Variants in PRR16 observed in about 807,000 individuals in gnomAD.
The protein encoded by PRR16 is proline rich 16.
In PRR16, 6 loss-of-function variants were observed where a neutral mutation model predicts 18.2. The ratio of observed to expected loss-of-function variants is 0.33; its 90% CI spans 0.18 to 0.65. The LOEUF (loss-of-function observed/expected upper bound fraction) is 0.65. Ranked by LOEUF, PRR16 falls within the 30% of genes least tolerant of loss-of-function variation. PRR16 has a pLI of 0.74. For synonymous variants in PRR16, 151 were observed against 147.8 expected (o/e 1.02, Z -0.16); for missense variants, 412 against 376.6 (o/e 1.09, Z -0.78).
chr5:120,522,345 C>G (rs894985136), intron 1 of PRR16, among the ~76,000 whole-genome samples: 1 of 152,128 alleles, frequency 6.6e-6, no homozygotes, highest in African/African-American at 2.4e-5. Flanking sequence ...TGTTTCCTGA[C>G]TTTTTAATGA....
chr5:120,744,911 T>A, the PRR16 span, among the ~76,000 whole-genome samples: 1 of 152,220 alleles, frequency 6.6e-6, no homozygotes, highest in African/African-American at 2.4e-5. Flanking sequence ...AATTGTATCT[T>A]AATGTCCTCT....
chr5:120,731,749 A>G, the PRR16 span, among the ~76,000 whole-genome samples: 11 of 152,228 alleles, frequency 7.2e-5, no homozygotes, highest in African/African-American at 2.7e-4. Flanking sequence ...AAGGCTGGCA[A>G]TGACAGTGCC....
the PRR16 span, among the ~76,000 whole-genome samples, chr5:120,728,138 G>C: frequency 6.6e-6 from 1 of 151,948 alleles, no homozygotes; most frequent in African/African-American, 2.4e-5. Context: ...GTAAGTATCT[G>C]TGGAAGCTGA....
chr5:120,508,067 G>T (rs970038718), intron 1 of PRR16, among the ~76,000 whole-genome samples: 1 of 152,078 alleles, frequency 6.6e-6, no homozygotes, highest in Non-Finnish European at 1.5e-5. Context: ...CAGACTGGTG[G>T]TGCCTAAGTA....
At chr5:120,518,976 AT>A (rs1274225009) in intron 1 of PRR16, among the ~76,000 whole-genome samples, 1 of 152,146 alleles carries the variant, frequency 6.6e-6, no homozygotes, top group East Asian at 1.9e-4. Context: ...TAGTTATTTT[AT>A]TTTATTAGTT....
chr5:120,789,265 A>G, the PRR16 span, among the ~76,000 whole-genome samples: 1 of 152,160 alleles, frequency 6.6e-6, no homozygotes, highest in Non-Finnish European at 1.5e-5. Flanking sequence ...TAAATAGAAG[A>G]CCACAGACAC....
At chr5:120,700,745 C>T in the PRR16 span, among the ~76,000 whole-genome samples, 10 of 152,052 alleles carry the variant, frequency 6.6e-5, no homozygotes, top group East Asian at 1.9e-4. Context: ...GGGTAGCCTC[C>T]GTGCTGATTA....
At chr5:120,773,468 T>C in the PRR16 span, among the ~76,000 whole-genome samples, 63 of 152,282 alleles carry the variant, frequency 4.1e-4, no homozygotes, top group African/African-American at 1.3e-3. Flanking sequence ...AAGAAAATTG[T>C]TGGCCACAGG....
chr5:120,740,351 T>C, the PRR16 span, among the ~76,000 whole-genome samples: 6 of 152,148 alleles, frequency 3.9e-5, no homozygotes, highest in South Asian at 2.1e-4. Flanking sequence ...ATTTTCTTTA[T>C]GGCTTTTGTA....
At chr5:120,582,657 G>C (rs80312789) in intron 1 of PRR16, among the ~76,000 whole-genome samples, 8,477 of 152,016 alleles carry the variant, frequency 0.056, 308 homozygotes, top group South Asian at 0.081. Context: ...ACAGGAATTT[G>C]GTATAGTATT....
chr5:120,478,069 A>G (rs1749499956), intron 1 of PRR16, among the ~76,000 whole-genome samples: 1 of 152,040 alleles, frequency 6.6e-6, no homozygotes, highest in Non-Finnish European at 1.5e-5. Context: ...AAGGTCAGTG[A>G]CCTGTTTTTG....
chr5:120,772,600 T>G, the PRR16 span, among the ~76,000 whole-genome samples: 1 of 152,054 alleles, frequency 6.6e-6, no homozygotes, highest in African/African-American at 2.4e-5. Context: ...TCTCACAGAC[T>G]AGTCAACCAC....
intron 1 of PRR16, among the ~76,000 whole-genome samples, chr5:120,671,076 C>T (rs1045721426): frequency 1.3e-5 from 2 of 152,052 alleles, no homozygotes; most frequent in Non-Finnish European, 2.9e-5. Flanking sequence ...CTTTTTCTAG[C>T]TTGCCTGCTT....
At chr5:120,484,151 T>A (rs1376773413) in intron 1 of PRR16, among the ~76,000 whole-genome samples, 2 of 151,800 alleles carry the variant, frequency 1.3e-5, no homozygotes, top group African/African-American at 4.8e-5. Flanking sequence ...ATATTCCTAT[T>A]TCTTAACTAC....
intron 1 of PRR16, among the ~76,000 whole-genome samples, chr5:120,578,344 G>T (rs1459505365): frequency 6.6e-6 from 1 of 151,984 alleles, no homozygotes; most frequent in African/African-American, 2.4e-5. Flanking sequence ...AGGTATATGG[G>T]TGCCATGGTT....
At chr5:120,598,586 C>A (rs1007192811) in intron 1 of PRR16, among the ~76,000 whole-genome samples, 3 of 151,780 alleles carry the variant, frequency 2.0e-5, no homozygotes, top group African/African-American at 7.3e-5. Context: ...TCCAACACTG[C>A]CCCCTCTAGT....
intron 1 of PRR16, among the ~76,000 whole-genome samples, chr5:120,676,008 T>A (rs1340178721): frequency 6.6e-6 from 1 of 152,168 alleles, no homozygotes; most frequent in Non-Finnish European, 1.5e-5. Context: ...TTACTCTATT[T>A]CCAAAAAAAC....
intron 1 of PRR16, among the ~76,000 whole-genome samples, chr5:120,648,379 A>T (rs553037255): frequency 6.6e-6 from 1 of 152,204 alleles, no homozygotes; most frequent in East Asian, 1.9e-4. Flanking sequence ...CCTTTGAAAG[A>T]TCAGTTATGT....
At chr5:120,707,278 A>C in the PRR16 span, among the ~76,000 whole-genome samples, 1 of 152,242 alleles carries the variant, frequency 6.6e-6, no homozygotes, top group Admixed American at 6.5e-5. Flanking sequence ...CAGCTATTAC[A>C]TGATGGAGTA....
Sources: gnomAD v4.1 joint callset for allele counts (sites outside exome capture counted in the v4.1 genomes callset) on GRCh38, gnomAD v4.1.1 for gene constraint, MANE v1.5 for transcripts, NCBI Gene and HGNC (gene_info 2026-07-23, HGNC 2026-07-21) for gene names.